The following SEC14L4 variants were observed in gnomAD, a reference collection of about 807,000 sequenced individuals.
SEC14L4 encodes SEC14-like protein 4.
Under a neutral mutation model 55.1 loss-of-function variants are expected in SEC14L4, and 42 were observed. That is an observed-to-expected ratio of 0.76 (90% CI 0.60 to 0.99). The LOEUF (loss-of-function observed/expected upper bound fraction) is 0.99. Ranked by LOEUF, SEC14L4 falls within the 50% of genes least tolerant of loss-of-function variation. The pLI is 0.00. For missense variants in SEC14L4, 445 were observed against 512.1 expected, an observed-to-expected ratio of 0.87 and a Z score of 1.27; for synonymous variants, 206 against 206.8, an observed-to-expected ratio of 1.00 and a Z score of 0.03.
At chr22:30,490,271 G>A (rs1489371805) in intron 11 of SEC14L4, 25 bp from the exon 12 acceptor site, 1 of 1,610,128 alleles carries the variant, frequency 6.2e-7, no homozygotes, top group Admixed American at 1.7e-5. Flanking sequence ...AGGTGATCAG[G>A]GAGCACAAAC....
At chr22:30,502,319 C>T (rs957885870) in intron 2 of SEC14L4, among the ~76,000 whole-genome samples, 4 of 152,208 alleles carry the variant, frequency 2.6e-5, no homozygotes, top group African/African-American at 9.6e-5. Context: ...GTATTATGCC[C>T]ATTACACAGA....
chr22:30,494,538 A>G (rs1936075163), intron 6 of SEC14L4, among the ~76,000 whole-genome samples: 1 of 152,090 alleles, frequency 6.6e-6, no homozygotes, highest in African/African-American at 2.4e-5. Flanking sequence ...GGGCTAATGT[A>G]AAAATTATTA....
chr22:30,499,947 G>C (rs1483329470), intron 2 of SEC14L4, among the ~76,000 whole-genome samples: 1 of 150,858 alleles, frequency 6.6e-6, no homozygotes, highest in African/African-American at 2.4e-5. Context: ...TTGGCTCACT[G>C]CAACGTCTGC....
intron 1 of SEC14L4, among the ~76,000 whole-genome samples, chr22:30,504,246 G>C (rs1018985727): frequency 8.6e-5 from 13 of 151,914 alleles, no homozygotes; most frequent in African/African-American, 2.9e-4. Context: ...GTAGAGATGG[G>C]ATCTTGCTAT....
At chr22:30,504,047 A>ATATTAT (rs3067219) in intron 1 of SEC14L4, among the ~76,000 whole-genome samples, 326 of 143,882 alleles carry the variant, frequency 2.3e-3, no homozygotes, top group African/African-American at 3.6e-3. Context: ...TATTATTTTT[A>ATATTAT]TATTATTATT....
chr22:30,496,260 A>G (rs932992074), intron 2 of SEC14L4, among the ~76,000 whole-genome samples: 1 of 150,888 alleles, frequency 6.6e-6, no homozygotes, highest in African/African-American at 2.4e-5. Context: ...CTACAGGGCC[A>G]CACCACCATG....
rs149120915 is a variant in SEC14L4, at chr22:30,495,629, C to T, written c.188G>A (p.Arg63Gln). ...AATGTTGTCCAGGTCTTGTTGCTTCCGGAACTCCATGTGCTGCAGGAACAC... is the reference window on the plus strand; with the variant it reads ...AATGTTGTCCAGGTCTTGTTGCTTCTGGAACTCCATGTGCTGCAGGAACAC... ...EDMLRRHMEF[R>Q]KQQDLDNIVT... Residue 63 changes from arginine to glutamine, a missense_variant, in exon 4 of 12, where the codon CGG becomes CAG. Transcript: ENST00000255858. 1.5e-4 allele frequency: 241 copies of T among 1,614,024 alleles called. 3 individuals are homozygous for T. The highest frequency in any genetic ancestry group is 5.2e-4 in the African/African-American group (39 of 75,014).
chr22:30,492,856 G>A (rs1291446739), intron 7 of SEC14L4: 10 of 322,510 alleles, frequency 3.1e-5, no homozygotes, highest in Non-Finnish European at 4.8e-5. Flanking sequence ...GGCTGAGGTA[G>A]GCAGATCACT....
intron 1 of SEC14L4, among the ~76,000 whole-genome samples, 155 bp downstream of exon 1, chr22:30,505,403 G>A (rs953677786): frequency 2.0e-5 from 3 of 152,172 alleles, no homozygotes; most frequent in South Asian, 2.1e-4. Context: ...GCACGTAGCC[G>A]CCTCAACAAC....
At chr22:30,495,793 G>T in intron 3 of SEC14L4, 135 bp downstream of exon 3, 1 of 1,594,916 alleles carries the variant, frequency 6.3e-7, no homozygotes, top group South Asian at 1.1e-5. Flanking sequence ...ACTTGGGTCT[G>T]ATGCAGAAAG....
rs1601839178 is a variant in SEC14L4, at chr22:30,489,991, A to G, written c.*116T>C. On this transcript the variant is annotated 3_prime_UTR_variant, in exon 12 of 12. Transcript: ENST00000255858. ...GAGCCTACAATGAGATGAAATGGTG[A>G]CGTGGGACAAGTGGCTCTCTGCAGC... The G allele has an allele frequency of 1.9e-6, 3 of 1,558,188 alleles. No individual in the cohort carries two copies. The East Asian group carries it at 7.2e-5, about 38-fold the overall frequency.
intron 1 of SEC14L4, among the ~76,000 whole-genome samples, chr22:30,504,383 G>A (rs1415938125): frequency 6.6e-6 from 1 of 152,178 alleles, no homozygotes; most frequent in African/African-American, 2.4e-5. Context: ...AGGATCCCTG[G>A]GAGAGTCTGA....
At chr22:30,499,002 G>T (rs1410633641) in intron 2 of SEC14L4, among the ~76,000 whole-genome samples, 2 of 151,724 alleles carry the variant, frequency 1.3e-5, no homozygotes, top group South Asian at 4.2e-4. Flanking sequence ...GTGCAGTGGC[G>T]CGATCTCGGC....
At chr22:30,503,253 G>GT (rs1446641645) in intron 2 of SEC14L4, among the ~76,000 whole-genome samples, 3 of 151,160 alleles carry the variant, frequency 2.0e-5, no homozygotes, top group Admixed American at 1.3e-4. Flanking sequence ...CAGACCCTGT[G>GT]TTTTTTGTTT....
Position 30,505,567 on chromosome 22 carries a change from C to A in SEC14L4, c.45G>T (p.Ala15=). 1 of 1,568,868 alleles carries A rather than the reference C, an allele frequency of 6.4e-7. No individual in the cohort carries two copies. Among genetic ancestry groups the A allele is most frequent in the Non-Finnish European group, 8.6e-7 (1 of 1,159,350 alleles). The change falls in exon 1 of 12, where the codon GCG becomes GCT. Residue 15 remains alanine, a synonymous_variant. Transcript: ENST00000255858. The stretch of plus-strand genomic sequence containing the variant: ...CCGCGATGCTCCTCACCCTGGCCAG[C>A]GCTTCCTGCTGCTGGGGGCTCAGGT... ...VGDLSPQQQE[A]LARFRENLQD...
intron 7 of SEC14L4, 198 bp from the exon 8 acceptor site, chr22:30,492,755 G>A (rs1036631785): frequency 1.0e-5 from 6 of 571,622 alleles, no homozygotes; most frequent in Non-Finnish European, 1.9e-5. Flanking sequence ...AATAATGTAT[G>A]TATAACACCT....
rs150035908 is a variant in SEC14L4, at chr22:30,492,094, C to T, written c.726G>A (p.Gly242=). Residue 242 remains glycine, a synonymous_variant, in exon 9 of 12, where the codon GGG becomes GGA. Coordinates refer to ENST00000255858, the MANE Select transcript of SEC14L4 (RefSeq NM_174977.4). ...ISPDQLPVEF[G]GTMTDPDGNP... The stretch of plus-strand genomic sequence containing the variant: ...TGCCATCGGGGTCAGTCATGGTCCC[C>T]CCAAACTCCACAGGCAGCTGGTCGG... The T allele has an allele frequency of 4.6e-4, 746 of 1,613,850 alleles. 2 individuals are homozygous for T. Among genetic ancestry groups the T allele is most frequent in the South Asian group, 2.1e-3 (195 of 91,046 alleles).
chr22:30,494,894 C>A lies in SEC14L4; in HGVS notation c.491G>T (p.Trp164Leu). The change falls in exon 6 of 12, where the codon TGG becomes TTG. Residue 164 changes from tryptophan (W) to leucine (L), a missense_variant. Transcript: ENST00000255858. ...CTGGTAGACCTCCACAGCTGGCTTCCACAGGTGTTTCAGGCTCAGCCCCTC... is the reference window on the plus strand; with the variant it reads ...CTGGTAGACCTCCACAGCTGGCTTCAACAGGTGTTTCAGGCTCAGCCCCTC... ...DMEGLSLKHL[W>L]KPAVEVYQQF... 6.2e-7 allele frequency: 1 copy of A among 1,613,776 alleles called. No individual in the cohort carries two copies. The highest frequency in any genetic ancestry group is 1.1e-5 in the South Asian group (1 of 91,064).
chr22:30,497,113 C>A (rs1343724551), intron 2 of SEC14L4, among the ~76,000 whole-genome samples: 1 of 151,954 alleles, frequency 6.6e-6, no homozygotes, highest in African/African-American at 2.4e-5. Context: ...CCAAGGCGGG[C>A]AGATCACTTG....
Sources: gnomAD v4.1 joint callset for allele counts (sites outside exome capture counted in the v4.1 genomes callset) on GRCh38, gnomAD v4.1.1 for gene constraint, MANE v1.5 for transcripts, NCBI Gene and HGNC (gene_info 2026-07-23, HGNC 2026-07-21) for gene names.